The following CCNY variants were observed in gnomAD, a reference collection of about 807,000 sequenced individuals.
CCNY encodes cyclin-Y.
A neutral mutation model predicts 42.8 loss-of-function variants in CCNY; 19 were observed. The ratio of observed to expected loss-of-function variants is 0.44; its 90% CI spans 0.31 to 0.65. CCNY has a LOEUF of 0.65. Among genes scored for constraint, CCNY ranks in the 30% least tolerant of loss-of-function variants. CCNY has a pLI of 0.07. For synonymous variants in CCNY, 165 were observed against 162.7 expected (o/e 1.01, Z -0.11); for missense variants, 370 against 437.3 (o/e 0.85, Z 1.37).
At chr10:35,519,391 A>C (rs1310508564) in intron 4 of CCNY, among the ~76,000 whole-genome samples, 6 of 150,226 alleles carry the variant, frequency 4.0e-5, no homozygotes, top group African/African-American at 1.5e-4. Flanking sequence ...TTTTTAACAG[A>C]TCTTGATTGA....
rs529719177 is a variant in CCNY, at chr10:35,277,347, T to C, written c.-9+26721T>C. Among the ~76,000 whole-genome samples, 23 of 152,328 alleles carry C rather than the reference T, an allele frequency of 1.5e-4. No individual in the cohort carries two copies. In the South Asian group the frequency reaches 4.4e-3, roughly 29 times the overall value. On this transcript the variant is annotated intron_variant, in intron 3 of 11. Coordinates refer to the CCNY transcript ENST00000374706. ...GCAAGCCCAGTAGATTCAAGCTTCT[T>C]AATTGTATCCATCCAGTATTCCCAT...
At chr10:35,353,302 A>C (rs750510460) in intron 1 of CCNY, among the ~76,000 whole-genome samples, 1 of 152,154 alleles carries the variant, frequency 6.6e-6, no homozygotes, top group African/African-American at 2.4e-5. Context: ...GATTTAATGA[A>C]TTGTGCTCAT....
intron 7 of CCNY, among the ~76,000 whole-genome samples, chr10:35,551,816 G>T (rs1194321809): frequency 1.3e-5 from 2 of 152,026 alleles, no homozygotes; most frequent in African/African-American, 4.8e-5. Flanking sequence ...AATCCTAATC[G>T]CAGTGATATA....
chr10:35,272,733 G>A (rs1835185748), intron 3 of CCNY, among the ~76,000 whole-genome samples: 1 of 152,166 alleles, frequency 6.6e-6, no homozygotes, highest in Admixed American at 6.6e-5. Context: ...ATGAACATAT[G>A]TGTGCATGTG....
intron 1 of CCNY, among the ~76,000 whole-genome samples, chr10:35,474,992 T>G (rs1420935693): frequency 1.3e-5 from 2 of 151,802 alleles, no homozygotes; most frequent in Non-Finnish European, 2.9e-5. Context: ...GAGAACTACG[T>G]GAAGAATGCA....
chr10:35,423,348 A>G (rs1471765139), intron 1 of CCNY, among the ~76,000 whole-genome samples: 1 of 151,890 alleles, frequency 6.6e-6, no homozygotes, highest in African/African-American at 2.4e-5. Flanking sequence ...GGTGACGCGC[A>G]CCTGTATTCT....
chr10:35,516,743 T>A, intron 4 of CCNY, 120 bp downstream of exon 4: 1 of 638,874 alleles, frequency 1.6e-6, no homozygotes, highest in Non-Finnish European at 2.6e-6. Flanking sequence ...TGGTTGGTTG[T>A]GGGGTCTGGG....
chr10:35,521,678 C>T (rs1840549988), intron 4 of CCNY, among the ~76,000 whole-genome samples: 1 of 152,164 alleles, frequency 6.6e-6, no homozygotes, highest in African/African-American at 2.4e-5. Flanking sequence ...CCATAGAAGC[C>T]TATAAACAAG....
chr10:35,449,825 G>C, intron 1 of CCNY: 1 of 984,708 alleles, frequency 1.0e-6, no homozygotes, highest in South Asian at 4.7e-5. Context: ...AGTTGAGAGT[G>C]CCAGGGAGTG....
intron 1 of CCNY, among the ~76,000 whole-genome samples, chr10:35,340,504 CTTTTTT>C (rs1210434335): frequency 7.5e-6 from 1 of 132,712 alleles, no homozygotes. Context: ...CAACTTCATT[CTTTTTT>C]TTTTTTTTTT....
intron 3 of CCNY, among the ~76,000 whole-genome samples, chr10:35,507,323 A>G (rs531960101): frequency 2.0e-5 from 3 of 152,256 alleles, no homozygotes; most frequent in Admixed American, 6.5e-5. Flanking sequence ...TTTTATTTCA[A>G]ACTTACAGAA....
At chr10:35,541,922 A>G (rs1176830224) in intron 7 of CCNY, among the ~76,000 whole-genome samples, 1 of 150,176 alleles carries the variant, frequency 6.7e-6, no homozygotes, top group Non-Finnish European at 1.5e-5. Context: ...CCAGGACACC[A>G]TATTGTGTCT....
chr10:35,251,388 G>T (rs958599862), intron 3 of CCNY, among the ~76,000 whole-genome samples: 2 of 152,116 alleles, frequency 1.3e-5, no homozygotes, highest in African/African-American at 4.8e-5. Context: ...AAAATTGGCA[G>T]CACAGATGAG....
At chr10:35,369,368 G>A (rs767463320) in intron 1 of CCNY, among the ~76,000 whole-genome samples, 1 of 152,188 alleles carries the variant, frequency 6.6e-6, no homozygotes, top group African/African-American at 2.4e-5. Flanking sequence ...TGATGGATTC[G>A]TTACTACATT....
chr10:35,280,324 GGAAA>G (rs1243719650), intron 3 of CCNY, among the ~76,000 whole-genome samples: 3 of 144,570 alleles, frequency 2.1e-5, no homozygotes, highest in Non-Finnish European at 3.0e-5. Context: ...GAGGAAAGAA[GGAAA>G]GAAAGAAAGG....
At position 35,569,338 on chromosome 10, in the gene CCNY, C is replaced by A. The variant is rs1013058191; in HGVS notation, c.*168C>A. 7 of 604,746 alleles carry A rather than the reference C, an allele frequency of 1.2e-5. No individual in the cohort carries two copies. The East Asian group carries it at 1.9e-4, about 17-fold the overall frequency. The allele number at this position is 604,746 out of a possible 1,614,324, so 37.5% of individuals were successfully genotyped here. On this transcript the variant is annotated 3_prime_UTR_variant, in exon 10 of 10. Coordinates refer to ENST00000374704, the MANE Select transcript of CCNY (RefSeq NM_145012.6). ...CCCATGCAGCAAGGCTTGGAGGAAG[C>A]GTCAGTGCCCTGGAGATCCCAGCTC...
chr10:35,511,260 A>G (rs565742611), intron 3 of CCNY, among the ~76,000 whole-genome samples: 2 of 152,302 alleles, frequency 1.3e-5, no homozygotes, highest in South Asian at 4.1e-4. Flanking sequence ...CTGATTCAAG[A>G]AAATACCAGT....
chr10:35,272,087 A>G (rs1415823417), intron 3 of CCNY, among the ~76,000 whole-genome samples: 2 of 152,146 alleles, frequency 1.3e-5, no homozygotes, highest in East Asian at 3.8e-4. Context: ...GCCAGGTTCA[A>G]GTGATTCTCT....
At chr10:35,292,243 T>C (rs1439602555) in intron 3 of CCNY, among the ~76,000 whole-genome samples, 1 of 152,248 alleles carries the variant, frequency 6.6e-6, no homozygotes, top group East Asian at 1.9e-4. Context: ...TCTTTATATA[T>C]TCTATATACA....
Sources: allele counts gnomAD v4.1 joint callset (sites outside exome capture counted in the v4.1 genomes callset), GRCh38; gene constraint gnomAD v4.1.1; transcripts MANE v1.5; gene names NCBI Gene and HGNC (gene_info 2026-07-23, HGNC 2026-07-21).